LRP6: variants seen among roughly 807,000 people sequenced by gnomAD.
LRP6 encodes the protein low-density lipoprotein receptor-related protein 6.
In LRP6, 43 loss-of-function variants were observed where a neutral mutation model predicts 184.1. The ratio of observed to expected loss-of-function variants is 0.23; its 90% CI spans 0.18 to 0.30. The LOEUF is 0.30. LRP6 is among the 10% of genes least tolerant of loss of function. The probability of loss-of-function intolerance (pLI) is 1.00; values close to 1 mark genes in which losing one functional copy is unlikely to be tolerated. For missense variants in LRP6, 1,571 were observed against 2,005.3 expected (o/e 0.78, Z 4.14); for synonymous variants, 719 against 684.9 (o/e 1.05, Z -0.78).
chr12:12,251,688 A>G (rs1186722205), intron 1 of LRP6, among the ~76,000 whole-genome samples: 2 of 152,150 alleles, frequency 1.3e-5, no homozygotes, highest in African/African-American at 4.8e-5. Context: ...CTTTTAATAA[A>G]GAAGTTATTA....
At chr12:12,164,079 G>A (rs922588896) in intron 9 of LRP6, among the ~76,000 whole-genome samples, 194 bp downstream of exon 9, 5 of 151,020 alleles carry the variant, frequency 3.3e-5, no homozygotes, top group East Asian at 1.9e-4. Context: ...GCAGTGAGCC[G>A]AGACTGCACC....
intron 2 of LRP6, among the ~76,000 whole-genome samples, chr12:12,242,801 A>C (rs1865098543): frequency 6.6e-6 from 1 of 152,148 alleles, no homozygotes; most frequent in South Asian, 2.1e-4. Flanking sequence ...TCTCCCTCTA[A>C]AATTTCCCTA....
In LRP6 at chr12:12,244,377, T is replaced by C; in HGVS notation, c.334A>G (p.Thr112Ala). ...CDWLGEKLYW[T>A]DSETNRIEVS... is the part of the protein sequence containing the mutation. ...TCAATCCGATTAGTTTCAGAATCTGTCCAGTACAATTTTTCTCCAAGCCAA... is the reference window on the plus strand; with the variant it reads ...TCAATCCGATTAGTTTCAGAATCTGCCCAGTACAATTTTTCTCCAAGCCAA... Residue 112 changes from threonine (T) to alanine (A), a missense_variant, in exon 2 of 23, where the codon ACA becomes GCA. Physicochemically the swap from Thr to Ala is moderately conservative, Grantham distance 58. This residue lies in a region of LRP6 where 640 missense variants were observed against 851.9 expected (regional missense o/e 0.75). Coordinates refer to ENST00000261349, the MANE Select transcript of LRP6 (RefSeq NM_002336.3). 1.2e-6 allele frequency: 2 copies of C among 1,614,186 alleles called. No homozygotes were observed. Among genetic ancestry groups the C allele is most frequent in the Non-Finnish European group, 1.7e-6 (2 of 1,180,040 alleles).
intron 20 of LRP6, among the ~76,000 whole-genome samples, chr12:12,125,942 A>G (rs958649785): frequency 2.6e-5 from 4 of 152,238 alleles, no homozygotes; most frequent in African/African-American, 9.6e-5. Flanking sequence ...AAATTCCACT[A>G]ACTGAAAATA....
At chr12:12,248,902 C>A in intron 1 of LRP6, 1 of 338,884 alleles carries the variant, frequency 3.0e-6, no homozygotes, top group Non-Finnish European at 5.4e-6. Context: ...AAACCTTCCA[C>A]TTCCTATATA....
At chr12:12,155,459 G>A in intron 12 of LRP6, 1 of 966,486 alleles carries the variant, frequency 1.0e-6, no homozygotes, top group Non-Finnish European at 1.7e-6. Flanking sequence ...GGTCTACAAT[G>A]TTACCCAGCA....
At chr12:12,167,329 T>A (rs1456618106) in intron 7 of LRP6, among the ~76,000 whole-genome samples, 1 of 152,104 alleles carries the variant, frequency 6.6e-6, no homozygotes, top group Non-Finnish European at 1.5e-5. Flanking sequence ...TGGGTACCTT[T>A]AAGCAAGTCT....
At chr12:12,179,611 C>T (rs542049634) in intron 7 of LRP6, among the ~76,000 whole-genome samples, 199 bp downstream of exon 7, 1 of 152,242 alleles carries the variant, frequency 6.6e-6, no homozygotes, top group African/African-American at 2.4e-5. Flanking sequence ...CATACCAATA[C>T]ATCTCTCCAT....
In LRP6 at chr12:12,266,995, C is replaced by CCGCGCAGCTCCTCATTCAGCCTCTGCCT. The variant is rs1865791570; in HGVS notation, c.-288_-261dup. 3.8e-6 allele frequency: 2 copies of CCGCGCAGCTCCTCATTCAGCCTCTGCCT among 525,608 alleles called. No homozygotes were observed. The highest frequency in any genetic ancestry group is 3.5e-5 in the East Asian group (1 of 28,924). The allele number at this position is 525,608 out of a possible 1,614,324, so 32.6% of individuals were successfully genotyped here. ...CTCCTCCCCCGGCGCCCCGCTTCCC[C>CCGCGCAGCTCCTCATTCAGCCTCTGCCT]CGCGCAGCTCCTCATTCAGCCTCTG... On this transcript the variant is annotated 5_prime_UTR_variant, in exon 1 of 23. The change creates a new upstream start codon in the 5' untranslated region. Transcript: ENST00000261349.
Position 12,135,163 on chromosome 12 carries a change from C to T in LRP6, c.3733+12G>A. The stretch of plus-strand genomic sequence containing the variant: ...CATTTAGGGTTGCACAAGAAAATTA[C>T]AACATATTTACCTCCACATGATAGC... On this transcript the variant is annotated intron_variant, in intron 17 of 22. Coordinates refer to ENST00000261349, the MANE Select transcript of LRP6 (RefSeq NM_002336.3). 6.2e-7 allele frequency: 1 copy of T among 1,613,712 alleles called. No individual in the cohort carries two copies. Among genetic ancestry groups the T allele is most frequent in the Non-Finnish European group, 8.5e-7 (1 of 1,179,756 alleles).
intron 2 of LRP6, among the ~76,000 whole-genome samples, chr12:12,206,178 T>G (rs954296670): frequency 6.6e-6 from 1 of 152,186 alleles, no homozygotes; most frequent in African/African-American, 2.4e-5. Context: ...CACTCAACAT[T>G]TCTCAGAACA....
At chr12:12,135,331 G>C in intron 16 of LRP6, 31 bp from the exon 17 acceptor site, 3 of 1,559,194 alleles carry the variant, frequency 1.9e-6, no homozygotes, top group Non-Finnish European at 2.7e-6. Context: ...GATGGGGAGA[G>C]GAGGGGGAGT....
At chr12:12,174,949 C>T (rs1205889480) in intron 7 of LRP6, among the ~76,000 whole-genome samples, 2 of 152,202 alleles carry the variant, frequency 1.3e-5, no homozygotes, top group East Asian at 3.8e-4. Context: ...AGTAGGGAAG[C>T]TTACTCTAAG....
At chr12:12,152,484 A>C (rs956196441) in intron 12 of LRP6, among the ~76,000 whole-genome samples, 3 of 151,910 alleles carry the variant, frequency 2.0e-5, no homozygotes, top group African/African-American at 4.8e-5. Context: ...ACAGGGTTTC[A>C]CCATGCTGGT....
chr12:12,229,201 T>G (rs891785586), intron 2 of LRP6, among the ~76,000 whole-genome samples: 1 of 151,912 alleles, frequency 6.6e-6, no homozygotes, highest in Non-Finnish European at 1.5e-5. Flanking sequence ...AGAATCCCCA[T>G]CTCTACTAAA....
At chr12:12,191,217 G>A (rs1032585173) in intron 3 of LRP6, among the ~76,000 whole-genome samples, 1 of 152,142 alleles carries the variant, frequency 6.6e-6, no homozygotes, top group Admixed American at 6.6e-5. Context: ...TTAACCTATT[G>A]TGAACTCTCA....
In LRP6 at chr12:12,236,400, A is replaced by G. The variant is rs370384660; in HGVS notation, c.449+7862T>C. ...AAATAAATGCCCATGAATCCATACTAATTGTATCAGAAAAACACATTTCCT... is the reference window on the plus strand; with the variant it reads ...AAATAAATGCCCATGAATCCATACTGATTGTATCAGAAAAACACATTTCCT... On this transcript the variant is annotated intron_variant, in intron 2 of 22. Transcript: ENST00000261349. 4.6e-5 allele frequency among the ~76,000 whole-genome samples: 7 copies of G among 152,330 alleles called. No homozygotes were observed. In the South Asian group the frequency reaches 6.2e-4, roughly 14 times the overall value.
rs1229691488 is a variant in LRP6, at chr12:12,130,687, T to TA, written c.4081+95dup. The TA allele has an allele frequency of 1.5e-5, 11 of 755,928 alleles. No individual in the cohort carries two copies. In the African/African-American group the frequency reaches 1.9e-4, roughly 13 times the overall value. The allele number at this position is 755,928 out of a possible 1,614,324, so 46.8% of individuals were successfully genotyped here. ...TAGCTTAATATTAATACTTATTACT[T>TA]AGAAAGGAAATCTCGATAAGTAAAC... On this transcript the variant is annotated intron_variant, in intron 19 of 22. Coordinates refer to ENST00000261349, the MANE Select transcript of LRP6 (RefSeq NM_002336.3).
intron 2 of LRP6, among the ~76,000 whole-genome samples, chr12:12,240,980 A>G (rs887769719): frequency 6.6e-6 from 1 of 152,150 alleles, no homozygotes; most frequent in Non-Finnish European, 1.5e-5. Context: ...TCATTATCAT[A>G]AGGAAAAAAA....
Sources: allele counts gnomAD v4.1 joint callset (sites outside exome capture counted in the v4.1 genomes callset), GRCh38; gene constraint gnomAD v4.1.1; regional missense constraint gnomAD v4.1.1; transcripts MANE v1.5; gene names NCBI Gene and HGNC (gene_info 2026-07-23, HGNC 2026-07-21).